The following CCDC63 variants were observed in gnomAD, a reference collection of about 807,000 sequenced individuals.
CCDC63 encodes the protein coiled-coil domain containing 63.
In CCDC63, 54 loss-of-function variants were observed where a neutral mutation model predicts 63.6. The ratio of observed to expected loss-of-function variants is 0.85; its 90% confidence interval spans 0.68 to 1.07. The LOEUF (loss-of-function observed/expected upper bound fraction) is 1.07. CCDC63 is among the 50% of genes least tolerant of loss of function. The pLI, the probability that CCDC63 is intolerant of heterozygous loss-of-function variation, is 0.00. For missense variants in CCDC63, 637 were observed against 689.6 expected (o/e 0.92, Z 0.86); for synonymous variants, 253 against 266.1 (o/e 0.95, Z 0.48).
At chr12:110,875,756 C>T (rs1425738977) in intron 5 of CCDC63, among the ~76,000 whole-genome samples, 1 of 152,122 alleles carries the variant, frequency 6.6e-6, no homozygotes, top group East Asian at 1.9e-4. Flanking sequence ...CTGGTCCCCT[C>T]TTCCCTTCAT....
chr12:110,875,510 G>A (rs1357806536), intron 5 of CCDC63, among the ~76,000 whole-genome samples: 3 of 151,684 alleles, frequency 2.0e-5, no homozygotes, highest in Non-Finnish European at 4.4e-5. Flanking sequence ...TGGCACGATC[G>A]TGGCTCACTG....
At chr12:110,867,701 G>C (rs1440916857) in intron 4 of CCDC63, among the ~76,000 whole-genome samples, 1 of 114,698 alleles carries the variant, frequency 8.7e-6, no homozygotes, top group Non-Finnish European at 1.8e-5. Flanking sequence ...CCGGGCGGAG[G>C]GCTGACCCCC....
Position 110,898,994 on chromosome 12 carries a change from G to C in CCDC63, c.1211G>C (p.Ser404Thr). The change falls in exon 10 of 12, where the codon AGC (serine) becomes ACC (threonine). Residue 404 changes from serine to threonine, a missense_variant. Ser to Thr is a moderately conservative substitution (Grantham distance 58). Coordinates refer to ENST00000308208, the MANE Select transcript of CCDC63 (RefSeq NM_152591.3). ...DMYESKYGEVSKTLDLLKNSV... is the reference protein window; with the variant it reads ...DMYESKYGEVTKTLDLLKNSV... ...TATGAGAGCAAGTACGGGGAGGTCA[G>C]CAAGACCTTGGATCTATTGAAGAAC... 6.2e-7 allele frequency: 1 copy of C among 1,613,492 alleles called. No homozygotes were observed. Among genetic ancestry groups the C allele is most frequent in the Non-Finnish European group, 8.5e-7 (1 of 1,179,776 alleles).
chr12:110,850,082 G>A lies in CCDC63; in HGVS notation c.-96-2777G>A, dbSNP rs142759147. 3.9e-3 allele frequency among the ~76,000 whole-genome samples: 596 copies of A among 152,362 alleles called. 5 individuals are homozygous for A. The highest frequency in any genetic ancestry group is 4.3e-3 in the Non-Finnish European group (294 of 68,040). On this transcript the variant is annotated intron_variant, in intron 1 of 11. Transcript: ENST00000308208. The stretch of plus-strand genomic sequence containing the variant: ...ATTTCACTGGCTTAACACAACAGAA[G>A]TTAATTTCGCATTTGTGTAACAGCC...
chr12:110,872,501 A>G (rs1057440857), intron 4 of CCDC63, among the ~76,000 whole-genome samples: 5 of 152,242 alleles, frequency 3.3e-5, no homozygotes, highest in African/African-American at 1.2e-4. Context: ...AACTCTCGTA[A>G]AGTTCCAAAC....
intron 4 of CCDC63, among the ~76,000 whole-genome samples, chr12:110,869,220 C>T (rs138047454): frequency 5.3e-5 from 8 of 152,330 alleles, no homozygotes; most frequent in African/African-American, 1.7e-4. Context: ...CTTAAGCCTT[C>T]CTCATCTAGA....
Position 110,872,696 on chromosome 12 carries a change from G to A in CCDC63, c.370-1146G>A, listed in dbSNP as rs138783531. Among the ~76,000 whole-genome samples, 384 of 152,220 alleles carry A rather than the reference G, an allele frequency of 2.5e-3. 2 individuals are homozygous for A. Among genetic ancestry groups the A allele is most frequent in the African/African-American group, 8.6e-3 (356 of 41,522 alleles). ...GCTGGAGTGCAGTGATGCAATCATG[G>A]CTCACTGCAGCTTCGACCTCCTAGG... is the stretch of plus-strand genomic sequence containing the variant. On this transcript the variant is annotated intron_variant, in intron 4 of 11. Coordinates refer to ENST00000308208, the MANE Select transcript of CCDC63 (RefSeq NM_152591.3).
intron 5 of CCDC63, among the ~76,000 whole-genome samples, chr12:110,874,769 C>G (rs754327511): frequency 2.0e-5 from 3 of 152,276 alleles, no homozygotes; most frequent in Non-Finnish European, 4.4e-5. Flanking sequence ...GAATGAAATA[C>G]ATGGGCCTGA....
intron 8 of CCDC63, among the ~76,000 whole-genome samples, chr12:110,890,919 A>T (rs1258126596): frequency 6.6e-6 from 1 of 151,484 alleles, no homozygotes; most frequent in African/African-American, 2.4e-5. Context: ...TGGGGACTAC[A>T]GGCATGTACC....
At chr12:110,868,805 G>A (rs978512627) in intron 4 of CCDC63, among the ~76,000 whole-genome samples, 1 of 148,670 alleles carries the variant, frequency 6.7e-6, no homozygotes, top group Non-Finnish European at 1.5e-5. Context: ...GAGAGGGAGA[G>A]CTTAAGCCAC....
chr12:110,874,126 G>C (rs2136684835), intron 5 of CCDC63, among the ~76,000 whole-genome samples, 165 bp downstream of exon 5: 1 of 151,682 alleles, frequency 6.6e-6, no homozygotes, highest in Admixed American at 6.6e-5. Context: ...AGGATTTACT[G>C]TCCACCTTAG....
chr12:110,873,812 C>A, intron 4 of CCDC63, 30 bp from the exon 5 acceptor site: 1 of 1,609,980 alleles, frequency 6.2e-7, no homozygotes. Flanking sequence ...GCTAACACAG[C>A]TGGAATTTCT....
chr12:110,846,100 C>A (rs1349659768), upstream of CCDC63: 1 of 152,130 alleles, frequency 6.6e-6, no homozygotes, highest in East Asian at 1.9e-4. Context: ...GCGCACCTGG[C>A]CTCCAAAATA....
intron 10 of CCDC63, among the ~76,000 whole-genome samples, chr12:110,901,393 A>G (rs568600025): frequency 6.6e-6 from 1 of 151,780 alleles, no homozygotes; most frequent in Non-Finnish European, 1.5e-5. Context: ...CTATTTATTT[A>G]TTTTTATTTT....
intron 4 of CCDC63, among the ~76,000 whole-genome samples, chr12:110,864,836 A>G (rs773321020): frequency 7.2e-5 from 11 of 152,338 alleles, no homozygotes; most frequent in Non-Finnish European, 1.5e-4. Flanking sequence ...GTTTTGTCTC[A>G]TATGACAGGA....
At chr12:110,887,790 G>A (rs2136712184) in intron 8 of CCDC63, among the ~76,000 whole-genome samples, 1 of 151,990 alleles carries the variant, frequency 6.6e-6, no homozygotes, top group Non-Finnish European at 1.5e-5. Context: ...GTAGAGACGG[G>A]GTTTCACCAT....
At chr12:110,851,722 T>C (rs1055419560) in intron 1 of CCDC63, among the ~76,000 whole-genome samples, 1 of 152,108 alleles carries the variant, frequency 6.6e-6, no homozygotes, top group Non-Finnish European at 1.5e-5. Context: ...CCCTGCACCT[T>C]CGCCCTCTGA....
intron 10 of CCDC63, among the ~76,000 whole-genome samples, chr12:110,899,762 T>C (rs1369386019): frequency 6.6e-6 from 1 of 151,710 alleles, no homozygotes; most frequent in Non-Finnish European, 1.5e-5. Flanking sequence ...CTTAAATAAA[T>C]GTATAGTTAT....
rs372272751 is a variant in CCDC63 at position 110,903,708 on chromosome 12, T to G, written c.1343-880T>G. 6.6e-5 allele frequency among the ~76,000 whole-genome samples: 10 copies of G among 152,322 alleles called. No homozygotes were observed. The South Asian group carries it at 2.1e-3, about 32-fold the overall frequency. On this transcript the variant is annotated intron_variant, in intron 10 of 11. Transcript: ENST00000308208. Reference sequence around the variant, plus strand: ...ACAGTGCAAGGGGATGTCCCCTGAATGAGGCAGGCCAGGGAAGCATTCCTG... The same window carrying G: ...ACAGTGCAAGGGGATGTCCCCTGAAGGAGGCAGGCCAGGGAAGCATTCCTG...
Sources: allele counts gnomAD v4.1 joint callset (sites outside exome capture counted in the v4.1 genomes callset), GRCh38; gene constraint gnomAD v4.1.1; transcripts MANE v1.5; gene names NCBI Gene and HGNC (gene_info 2026-07-23, HGNC 2026-07-21).